ACBD5: variants seen among roughly 807,000 people sequenced by gnomAD.
ACBD5 encodes the protein acyl-CoA binding domain containing 5.
ACBD5 carries 40 observed loss-of-function variants against 71.8 expected under a neutral mutation model. The ratio of observed to expected loss-of-function variants is 0.56; its 90% CI spans 0.43 to 0.72. The LOEUF (loss-of-function observed/expected upper bound fraction) is 0.72, where lower values mean the gene tolerates loss of function less well. ACBD5 is among the 30% of genes least tolerant of loss of function. The probability of loss-of-function intolerance (pLI) is 0.00; values close to 1 mark genes in which losing one functional copy is unlikely to be tolerated. For missense variants in ACBD5, 559 were observed against 644.5 expected, an observed-to-expected ratio of 0.87 and a Z score of 1.44; for synonymous variants, 229 against 218.6, an observed-to-expected ratio of 1.05 and a Z score of -0.42.
At chr10:27,183,351 T>C (rs2058437864) in intron 13 of ACBD5, among the ~76,000 whole-genome samples, 1 of 152,092 alleles carries the variant, frequency 6.6e-6, no homozygotes, top group African/African-American at 2.4e-5. Flanking sequence ...TGGTGTGATC[T>C]CGGCTCACTG....
chr10:27,232,394 T>A (rs1444914126), intron 3 of ACBD5: 1 of 150,802 alleles, frequency 6.6e-6, no homozygotes, highest in Non-Finnish European at 1.5e-5. Flanking sequence ...AGTGGTGTGG[T>A]CTTGGCTCAC....
At chr10:27,241,560 T>C (rs1356502594), upstream of ACBD5, among the ~76,000 whole-genome samples, 1 of 152,024 alleles carries the variant, frequency 6.6e-6, no homozygotes, top group African/African-American at 2.4e-5. Context: ...TCCAGCGGGA[T>C]TTAATAGGAG....
intron 13 of ACBD5, among the ~76,000 whole-genome samples, chr10:27,185,423 G>A (rs955833307): frequency 5.3e-5 from 8 of 151,370 alleles, no homozygotes; most frequent in Admixed American, 1.3e-4. Flanking sequence ...CCCTGGGGTC[G>A]GGAGTTCGAG....
chr10:27,201,022 G>A (rs1231730555), intron 12 of ACBD5, among the ~76,000 whole-genome samples: 6 of 152,036 alleles, frequency 3.9e-5, no homozygotes, highest in African/African-American at 1.2e-4. Context: ...AAATAAGACA[G>A]TTAGTTGACA....
In ACBD5 at chr10:27,210,848, T is replaced by G. The variant is rs765962065; in HGVS notation, c.1170A>C (p.Glu390Asp). The G allele has an allele frequency of 6.2e-7, 1 of 1,614,214 alleles. No homozygotes were observed. The highest frequency in any genetic ancestry group is 8.5e-7 in the Non-Finnish European group (1 of 1,180,042). Residue 390 changes from glutamate (E) to aspartate (D), a missense_variant, in exon 9 of 13, where the codon GAA becomes GAC. Coordinates refer to ENST00000396271, the MANE Select transcript of ACBD5 (RefSeq NM_145698.5). ...GAPHREKRGG[E>D]TDEFSNVRRG... ...TTCTAACATTAGAGAATTCGTCAGTTTCTCCGCCTCGCTTCTCCCGGTGTG... is the reference window on the plus strand; with the variant it reads ...TTCTAACATTAGAGAATTCGTCAGTGTCTCCGCCTCGCTTCTCCCGGTGTG...
chr10:27,205,552 C>T (rs914028264), intron 10 of ACBD5, among the ~76,000 whole-genome samples: 2 of 151,978 alleles, frequency 1.3e-5, no homozygotes, highest in Admixed American at 1.3e-4. Flanking sequence ...GAAAATAAAA[C>T]CTCAAATCAA....
chr10:27,184,158 A>C (rs1223566289), intron 13 of ACBD5, among the ~76,000 whole-genome samples: 4 of 152,238 alleles, frequency 2.6e-5, no homozygotes, highest in Admixed American at 2.6e-4. Flanking sequence ...GGAAAGAGAG[A>C]CAGTGAACAG....
chr10:27,217,366 G>T (rs2061774375), intron 7 of ACBD5, among the ~76,000 whole-genome samples: 1 of 149,592 alleles, frequency 6.7e-6, no homozygotes. Context: ...TGAGGCAGGA[G>T]AATTGTTTGA....
chr10:27,208,462 A>T lies in ACBD5; in HGVS notation c.1205-17T>A. On this transcript the variant is annotated splice_polypyrimidine_tract_variant and intron_variant, in intron 9 of 12. Coordinates refer to ENST00000396271, the MANE Select transcript of ACBD5 (RefSeq NM_145698.5). ...TCCTATGTCCTATTTTAAGAGGCAA[A>T]AATAAGCTTGTTTTAAATAATTCTT... 6.2e-7 allele frequency: 1 copy of T among 1,612,232 alleles called. No individual in the cohort carries two copies. Among genetic ancestry groups the T allele is most frequent in the Non-Finnish European group, 8.5e-7 (1 of 1,179,238 alleles).
chr10:27,210,477 G>C (rs372567349), intron 9 of ACBD5, among the ~76,000 whole-genome samples: 1 of 152,090 alleles, frequency 6.6e-6, no homozygotes, highest in Non-Finnish European at 1.5e-5. Flanking sequence ...AATTAGTCAG[G>C]CGGCCGGGCA....
At chr10:27,241,145 C>T (rs2065454749), upstream of ACBD5, among the ~76,000 whole-genome samples, 1 of 152,212 alleles carries the variant, frequency 6.6e-6, no homozygotes, top group South Asian at 2.1e-4. Flanking sequence ...CACCGCTGGG[C>T]AACAAAAATG....
chr10:27,240,583 A>G lies in ACBD5; in HGVS notation c.15+91T>C. ...CCCTTTGCCCTGCCCTATCCAGGCC[A>G]CACAGATCGAAGCGGCCCGGCTCCT... On this transcript the variant is annotated intron_variant, in intron 1 of 12. Coordinates refer to ENST00000396271, the MANE Select transcript of ACBD5 (RefSeq NM_145698.5). This position sits in a 1 kb window ranked among gnomAD's most constrained non-coding sequence, Gnocchi z 4.1. 1 of 1,551,266 alleles carries G rather than the reference A, an allele frequency of 6.4e-7. No individual in the cohort carries two copies. The highest frequency in any genetic ancestry group is 8.7e-7 in the Non-Finnish European group (1 of 1,146,960).
At chr10:27,211,479 C>T (rs1336120179) in intron 8 of ACBD5, among the ~76,000 whole-genome samples, 3 of 152,176 alleles carry the variant, frequency 2.0e-5, no homozygotes, top group East Asian at 3.9e-4. Context: ...CACCGCCATG[C>T]CTGGTTAATT....
intron 4 of ACBD5, among the ~76,000 whole-genome samples, chr10:27,228,271 C>T (rs368350724): frequency 2.1e-5 from 3 of 140,564 alleles, no homozygotes; most frequent in African/African-American, 7.8e-5. Flanking sequence ...TAAATTTGTA[C>T]AAAAAAAAAA....
intron 4 of ACBD5, among the ~76,000 whole-genome samples, chr10:27,231,301 G>C (rs1156281965): frequency 1.3e-5 from 2 of 152,198 alleles, no homozygotes; most frequent in East Asian, 3.9e-4. Context: ...TGGATCACTT[G>C]AGGTCAGAAG....
At chr10:27,230,635 A>G (rs2063725737) in intron 4 of ACBD5, among the ~76,000 whole-genome samples, 1 of 152,004 alleles carries the variant, frequency 6.6e-6, no homozygotes, top group Non-Finnish European at 1.5e-5. Context: ...CGTCTGCACT[A>G]AAAATACAAA....
chr10:27,240,915 G>A, upstream of ACBD5: 1 of 633,948 alleles, frequency 1.6e-6, no homozygotes, highest in South Asian at 1.9e-5. The surrounding 1 kb of genome is among the most constrained non-coding windows in gnomAD (Gnocchi z 4.1). Flanking sequence ...GCCGCGGCAA[G>A]GACGCGCGCG....
At chr10:27,217,679 A>G (rs12247183) in intron 7 of ACBD5, among the ~76,000 whole-genome samples, 10,564 of 151,218 alleles carry the variant, frequency 0.07, 691 homozygotes, top group African/African-American at 0.17. Flanking sequence ...ACTGGGCATG[A>G]TGGTACATGC....
rs148555426 is a variant in ACBD5, at chr10:27,208,379, T to C, written c.1271A>G (p.Glu424Gly). The C allele has an allele frequency of 9.3e-6, 15 of 1,613,980 alleles. No individual in the cohort carries two copies. In the African/African-American group the frequency reaches 1.7e-4, roughly 19 times the overall value. The change falls in exon 10 of 13, where the codon GAG (glutamate) becomes GGG (glycine). Residue 424 changes from glutamate (E) to glycine (G), a missense_variant. Transcript: ENST00000396271. Reference sequence around the variant, plus strand: ...GGACCCTCTGTCGGAGCCCCAGCGCTCCCCATCACCTCCACTTCCCACCTG... The same window carrying C: ...GGACCCTCTGTCGGAGCCCCAGCGCCCCCCATCACCTCCACTTCCCACCTG... ...GRQVGSGGDG[E>G]RWGSDRGSRG...
Sources: gnomAD v4.1 joint callset for allele counts (sites outside exome capture counted in the v4.1 genomes callset) on GRCh38, gnomAD v4.1.1 for gene constraint, Gnocchi (gnomAD v3.1) non-coding constraint, MANE v1.5 for transcripts, NCBI Gene and HGNC (gene_info 2026-07-23, HGNC 2026-07-21) for gene names.